The following NAV1 variants were observed in gnomAD, a reference collection of about 807,000 sequenced individuals.
NAV1 encodes neuron navigator 1, also known as pore membrane and/or filament interacting like protein 3.
In NAV1, 18 loss-of-function variants were observed where a neutral mutation model predicts 175.2. That is an observed-to-expected ratio of 0.10 (90% CI 0.07 to 0.15). The LOEUF is 0.15. NAV1 is among the 10% of genes least tolerant of loss of function. The probability of loss-of-function intolerance (pLI) is 1.00; values close to 1 mark genes in which losing one functional copy is unlikely to be tolerated. For missense variants in NAV1, 1,731 were observed against 2,436.6 expected (o/e 0.71, Z 6.10); for synonymous variants, 897 against 978.7 (o/e 0.92, Z 1.56).
At chr1:201,712,258 C>T (rs1229740857) in intron 1 of NAV1, among the ~76,000 whole-genome samples, 1 of 152,206 alleles carries the variant, frequency 6.6e-6, no homozygotes. Context: ...TGTACCAGTT[C>T]CCCAGAGCCA....
intron 1 of NAV1, among the ~76,000 whole-genome samples, chr1:201,549,749 A>G (rs538401445): frequency 1.3e-5 from 2 of 151,350 alleles, no homozygotes; most frequent in African/African-American, 4.8e-5. Context: ...AGTGGCTCAC[A>G]CCTGTAATCC....
intron 3 of NAV1, among the ~76,000 whole-genome samples, chr1:201,764,549 C>T (rs1675075072): frequency 6.6e-6 from 1 of 152,190 alleles, no homozygotes; most frequent in Admixed American, 6.5e-5. Context: ...CCTGAACGCC[C>T]CATCTCCAAA....
At position 201,755,291 on chromosome 1, in the gene NAV1, A is replaced by C. The variant is rs146332369; in HGVS notation, c.1227-25130A>C. Reference sequence around the variant, plus strand: ...CCCCCCCTCTACAAAAAATTTAAAAATTAGCCAGGCATGGTGGCACAGGCC... The same window carrying C: ...CCCCCCCTCTACAAAAAATTTAAAACTTAGCCAGGCATGGTGGCACAGGCC... On this transcript the variant is annotated intron_variant, in intron 3 of 29. Transcript: ENST00000367296. 7.6e-3 allele frequency among the ~76,000 whole-genome samples: 1,161 copies of C among 152,314 alleles called. 15 individuals are homozygous for C. Among genetic ancestry groups the C allele is most frequent in the African/African-American group, 0.027 (1,105 of 41,562 alleles).
upstream of NAV1, among the ~76,000 whole-genome samples, chr1:201,646,858 G>A (rs1008320077): frequency 1.1e-4 from 17 of 152,172 alleles, no homozygotes; most frequent in African/African-American, 3.9e-4. Flanking sequence ...GCTGGCGGGG[G>A]AGACAGATAG....
chr1:201,636,366 G>A (rs981796925), intron 2 of NAV1, among the ~76,000 whole-genome samples: 5 of 152,156 alleles, frequency 3.3e-5, no homozygotes, highest in African/African-American at 9.7e-5. Context: ...ATAAGGCTGC[G>A]GGCAGGCTTA....
At chr1:201,624,266 C>CTAGTA (rs1258550900) in intron 1 of NAV1, among the ~76,000 whole-genome samples, 3 of 150,714 alleles carry the variant, frequency 2.0e-5, no homozygotes, top group African/African-American at 7.3e-5. Context: ...GGCCAACAAG[C>CTAGTA]TAGTACATCC....
chr1:201,807,899 C>G lies in NAV1; in HGVS notation c.3649-54C>G. 6.4e-7 allele frequency: 1 copy of G among 1,566,546 alleles called. No homozygotes were observed. Among genetic ancestry groups the G allele is most frequent in the Non-Finnish European group, 8.8e-7 (1 of 1,139,704 alleles). On this transcript the variant is annotated intron_variant, in intron 17 of 29. Transcript: ENST00000367296. The surrounding 1 kb of genome is among the most constrained non-coding windows in gnomAD (Gnocchi z 5.4). Reference sequence around the variant, plus strand: ...TCAGAAGTCTCAATCCAGTCCTCCCCCATCCCAGTAGTGGAGTCCTAATGT... The same window carrying G: ...TCAGAAGTCTCAATCCAGTCCTCCCGCATCCCAGTAGTGGAGTCCTAATGT...
chr1:201,633,598 C>G (rs963203913), intron 2 of NAV1, among the ~76,000 whole-genome samples: 1 of 152,336 alleles, frequency 6.6e-6, no homozygotes, highest in East Asian at 1.9e-4. Flanking sequence ...AGCCACAGTC[C>G]CTGCTCACAT....
chr1:201,793,898 GGAGGGGTGGGTGCGGC>G, intron 14 of NAV1, 23 bp downstream of exon 18: 2 of 1,535,652 alleles, frequency 1.3e-6, no homozygotes, highest in Non-Finnish European at 1.8e-6. Context: ...GGAAAGGGTG[GGAGGGGTGGGTGCGGC>G]GAGGGGGTTC....
At chr1:201,618,511 A>G (rs1040986236), upstream of NAV1, among the ~76,000 whole-genome samples, 2 of 151,406 alleles carry the variant, frequency 1.3e-5, no homozygotes, top group Non-Finnish European at 1.5e-5. Context: ...CCCACCCCCA[A>G]CTCTATCTCT....
chr1:201,645,019 C>T (rs895855673), upstream of NAV1, among the ~76,000 whole-genome samples: 4 of 152,076 alleles, frequency 2.6e-5, no homozygotes, highest in African/African-American at 9.7e-5. Flanking sequence ...TGTTTCGCAG[C>T]AGTTCTAAAG....
In NAV1 at chr1:201,740,486, G is replaced by A. The variant is rs1673348857; in HGVS notation, c.1226+21731G>A. Among the ~76,000 whole-genome samples the A allele has an allele frequency of 6.6e-6, 1 of 152,210 alleles. No homozygotes were observed. Among genetic ancestry groups the A allele is most frequent in the South Asian group, 2.1e-4 (1 of 4,832 alleles). On this transcript the variant is annotated intron_variant, in intron 3 of 29. Transcript: ENST00000367296. This position sits in a 1 kb window ranked among gnomAD's most constrained non-coding sequence, Gnocchi z 4.7. ...GAGGGTCGGGGGTCCTGGGGACCAGGCGGGTGGAAGGAGGAGGGGCTTGCA... is the reference window on the plus strand; with the variant it reads ...GAGGGTCGGGGGTCCTGGGGACCAGACGGGTGGAAGGAGGAGGGGCTTGCA...
intron 15 of NAV1, chr1:201,798,127 T>C (rs1677578246): frequency 6.6e-6 from 1 of 152,218 alleles, no homozygotes; most frequent in African/African-American, 2.4e-5. Flanking sequence ...AATACGAGAA[T>C]CATCTTTGAT....
chr1:201,611,814 C>G (rs1667854201), intron 2 of NAV1, among the ~76,000 whole-genome samples: 1 of 152,136 alleles, frequency 6.6e-6, no homozygotes, highest in Non-Finnish European at 1.5e-5. Flanking sequence ...CACCTCCTCA[C>G]CCTGGGCTGG....
Position 201,813,095 on chromosome 1 carries a change from G to C in NAV1, c.5222-45G>C. On this transcript the variant is annotated intron_variant, in intron 27 of 29. Transcript: ENST00000367296. The surrounding 1 kb of genome is among the most constrained non-coding windows in gnomAD (Gnocchi z 4.2). ...AGTAAAAGAGGCACACAACCGGGAAGATCTAGGTTCCCAGCCATCTTCATG... is the reference window on the plus strand; with the variant it reads ...AGTAAAAGAGGCACACAACCGGGAACATCTAGGTTCCCAGCCATCTTCATG... 1 of 1,399,498 alleles carries C rather than the reference G, an allele frequency of 7.1e-7. No individual in the cohort carries two copies. Among genetic ancestry groups the C allele is most frequent in the Non-Finnish European group, 1.0e-6 (1 of 988,146 alleles). The allele number at this position is 1,399,498 out of a possible 1,614,324, so 86.7% of individuals were successfully genotyped here. A position where few individuals can be genotyped will look rare whatever the true frequency, so the allele number is the denominator to read the frequency against.
At chr1:201,691,257 G>T (rs1335276963) in intron 1 of NAV1, among the ~76,000 whole-genome samples, 1 of 152,192 alleles carries the variant, frequency 6.6e-6, no homozygotes, top group Non-Finnish European at 1.5e-5. Context: ...TGTCCCCTGA[G>T]GGGCAACATC....
chr1:201,687,455 A>G (rs536529390), intron 1 of NAV1, among the ~76,000 whole-genome samples: 67 of 152,320 alleles, frequency 4.4e-4, no homozygotes, highest in Admixed American at 1.7e-3. Flanking sequence ...GGGGTTTCCC[A>G]CTTATGATAA....
intron 1 of NAV1, among the ~76,000 whole-genome samples, chr1:201,579,512 C>T (rs1465567218): frequency 2.0e-5 from 3 of 152,092 alleles, no homozygotes; most frequent in Admixed American, 6.6e-5. Flanking sequence ...TGCACCACCA[C>T]GCCTGGATAA....
intron 3 of NAV1, among the ~76,000 whole-genome samples, chr1:201,778,344 C>T (rs763047596): frequency 1.3e-5 from 2 of 152,202 alleles, no homozygotes; most frequent in Non-Finnish European, 2.9e-5. Flanking sequence ...ACCTTGATTA[C>T]CAATAATTAA....
Sources: gnomAD v4.1 joint callset for allele counts (sites outside exome capture counted in the v4.1 genomes callset) on GRCh38, gnomAD v4.1.1 for gene constraint, Gnocchi (gnomAD v3.1) non-coding constraint, MANE v1.5 for transcripts, NCBI Gene and HGNC (gene_info 2026-07-23, HGNC 2026-07-21) for gene names.